Variants in P4HA3 observed in about 807,000 individuals in gnomAD.
The protein encoded by P4HA3 is prolyl 4-hydroxylase subunit alpha 3, also known as prolyl 4-hydroxylase subunit alpha-3.
A neutral mutation model predicts 66.7 loss-of-function variants in P4HA3; 60 were observed. The ratio of observed to expected loss-of-function variants is 0.90; its 90% CI spans 0.73 to 1.12. The LOEUF (loss-of-function observed/expected upper bound fraction) is 1.12. Ranked by LOEUF, P4HA3 falls within the 50% of genes most tolerant of loss-of-function variation. The pLI is 0.00. For missense variants in P4HA3, 683 were observed against 685.8 expected (o/e 1.00, Z 0.05); for synonymous variants, 263 against 274.6 (o/e 0.96, Z 0.42).
chr11:74,299,607 C>A (rs1037423325), intron 3 of P4HA3, among the ~76,000 whole-genome samples: 1 of 150,780 alleles, frequency 6.6e-6, no homozygotes, highest in Non-Finnish European at 1.5e-5. Context: ...GGAATCCTTC[C>A]GAACACAAAT....
intron 12 of P4HA3, 62 bp downstream of exon 12, chr11:74,268,083 C>T: frequency 7.0e-7 from 1 of 1,421,084 alleles, no homozygotes; most frequent in Non-Finnish European, 9.9e-7. Context: ...CCCACCCATC[C>T]CCTGTTTCAC....
downstream of P4HA3, among the ~76,000 whole-genome samples, chr11:74,265,357 G>A (rs1237677086): frequency 6.6e-6 from 1 of 152,200 alleles, no homozygotes; most frequent in Non-Finnish European, 1.5e-5. Context: ...TTCAGACTCT[G>A]AGGAAGCTGG....
chr11:74,272,892 T>C (rs1216195732), intron 10 of P4HA3, among the ~76,000 whole-genome samples: 1 of 152,168 alleles, frequency 6.6e-6, no homozygotes, highest in Non-Finnish European at 1.5e-5. Context: ...TAAACCCACA[T>C]GATCTGAAGG....
intron 2 of P4HA3, 119 bp from the exon 3 acceptor site, chr11:74,302,711 G>T: frequency 1.0e-6 from 1 of 971,750 alleles, no homozygotes; most frequent in Non-Finnish European, 1.5e-6. Context: ...ATTTGTCTTT[G>T]TGTTCCCAGA....
At position 74,286,262 on chromosome 11, in the gene P4HA3, G is replaced by A. The variant is rs1317196069; in HGVS notation, c.899C>T (p.Thr300Ile). 1.2e-6 allele frequency: 2 copies of A among 1,613,036 alleles called. No homozygotes were observed. The highest frequency in any genetic ancestry group is 1.7e-6 in the Non-Finnish European group (2 of 1,179,716). Residue 300 changes from threonine to isoleucine, a missense_variant, in exon 6 of 13, where the codon ACC becomes ATC. Thr to Ile is a moderately conservative substitution (Grantham distance 89, BLOSUM62 -1). Transcript: ENST00000331597. ...CAGGGTCTGACATAGCCCCTCGTAG[G>A]TGTCTCTGGTCTGCAGGTGGGGTAT... ...PNIPHLQTRDTYEGLCQTLGS... is the reference protein window; with the variant it reads ...PNIPHLQTRDIYEGLCQTLGS...
chr11:74,294,516 A>C (rs1203988762), intron 4 of P4HA3, among the ~76,000 whole-genome samples: 3 of 152,128 alleles, frequency 2.0e-5, no homozygotes. Flanking sequence ...GGAGGAGGAA[A>C]GGCACTCGAT....
chr11:74,276,697 AAGG>A (rs1860408949), intron 9 of P4HA3, among the ~76,000 whole-genome samples: 1 of 152,204 alleles, frequency 6.6e-6, no homozygotes, highest in Admixed American at 6.5e-5. Flanking sequence ...TTACTGGAGG[AAGG>A]ACAATCCTCA....
At chr11:74,297,514 G>A (rs553576274) in intron 4 of P4HA3, among the ~76,000 whole-genome samples, 18 of 152,292 alleles carry the variant, frequency 1.2e-4, no homozygotes, top group South Asian at 4.1e-4. Context: ...TGTACAACTC[G>A]GGTGGGAAAT....
intron 2 of P4HA3, 48 bp downstream of exon 2, chr11:74,304,222 C>A: frequency 6.3e-7 from 1 of 1,598,278 alleles, no homozygotes; most frequent in Non-Finnish European, 8.6e-7. Context: ...ACCACCGAGT[C>A]AGGAGATAGA....
intron 4 of P4HA3, among the ~76,000 whole-genome samples, chr11:74,294,408 C>T (rs918624756): frequency 9.2e-5 from 14 of 152,240 alleles, no homozygotes; most frequent in East Asian, 1.9e-4. Context: ...TCCTGTAGCT[C>T]GGAGTAGTTT....
intron 4 of P4HA3, among the ~76,000 whole-genome samples, chr11:74,292,100 T>C (rs546947262): frequency 1.1e-4 from 16 of 152,338 alleles, no homozygotes; most frequent in South Asian, 4.1e-4. Flanking sequence ...TGGTAAGCTA[T>C]TGATTATTGC....
downstream of P4HA3, among the ~76,000 whole-genome samples, chr11:74,265,144 C>A (rs957611711): frequency 6.6e-6 from 1 of 152,112 alleles, no homozygotes; most frequent in Non-Finnish European, 1.5e-5. Flanking sequence ...TAGCTCAGAC[C>A]CATCCTGTAA....
exon 15 of P4HA3, chr11:74,259,956 CTA>C: frequency 6.6e-6 from 1 of 152,190 alleles, no homozygotes; most frequent in Non-Finnish European, 1.5e-5. Flanking sequence ...GATGACAGTT[CTA>C]TGTTTATCTT....
At chr11:74,272,909 G>GAC (rs1014859359) in intron 10 of P4HA3, among the ~76,000 whole-genome samples, 6 of 152,184 alleles carry the variant, frequency 3.9e-5, no homozygotes, top group African/African-American at 9.6e-5. Context: ...AAGGGAAGGG[G>GAC]ACAGGTGAGA....
At chr11:74,303,290 TTC>T (rs1283571401) in intron 2 of P4HA3, among the ~76,000 whole-genome samples, 7 of 131,690 alleles carry the variant, frequency 5.3e-5, no homozygotes, top group African/African-American at 2.0e-4. Flanking sequence ...ATCAACAAAC[TTC>T]TTTTTTTTTT....
chr11:74,306,658 G>A (rs890440512), intron 1 of P4HA3, among the ~76,000 whole-genome samples: 1 of 152,206 alleles, frequency 6.6e-6, no homozygotes. Flanking sequence ...CAAGGTGGTA[G>A]GATTTCAACC....
At chr11:74,301,067 G>A (rs1046139495) in intron 3 of P4HA3, among the ~76,000 whole-genome samples, 4 of 152,164 alleles carry the variant, frequency 2.6e-5, no homozygotes, top group African/African-American at 9.7e-5. Context: ...CCTGGGCAAG[G>A]GTGGAGCAGA....
chr11:74,278,550 G>T, intron 8 of P4HA3, among the ~76,000 whole-genome samples: 1 of 152,156 alleles, frequency 6.6e-6, no homozygotes, highest in Non-Finnish European at 1.5e-5. Flanking sequence ...AAAGAAAGTA[G>T]TTTCTTGTTC....
At chr11:74,306,366 A>G (rs2134831365) in intron 1 of P4HA3, among the ~76,000 whole-genome samples, 1 of 152,312 alleles carries the variant, frequency 6.6e-6, no homozygotes, top group African/African-American at 2.4e-5. Flanking sequence ...ACTCTGGTTA[A>G]TTCCATTTCT....
Sources: gnomAD v4.1 joint callset for allele counts (sites outside exome capture counted in the v4.1 genomes callset) on GRCh38, gnomAD v4.1.1 for gene constraint, MANE v1.5 for transcripts, NCBI Gene and HGNC (gene_info 2026-07-23, HGNC 2026-07-21) for gene names.